MYO18B: variants seen among roughly 807,000 people sequenced by gnomAD.
MYO18B encodes the protein unconventional myosin-XVIIIb.
In MYO18B, 204 loss-of-function variants were observed where a neutral mutation model predicts 273.0. The ratio of observed to expected loss-of-function variants is 0.75; its 90% CI spans 0.67 to 0.84. The LOEUF (loss-of-function observed/expected upper bound fraction) is 0.84. Ranked by LOEUF, MYO18B falls within the 40% of genes least tolerant of loss-of-function variation. MYO18B has a pLI of 0.00. For synonymous variants in MYO18B, 1,330 were observed against 1,305.7 expected, an observed-to-expected ratio of 1.02 and a Z score of -0.40; for missense variants, 3,212 against 3,287.6, an observed-to-expected ratio of 0.98 and a Z score of 0.56.
At chr22:25,990,712 A>AAAG (rs761294962) in intron 39 of MYO18B, among the ~76,000 whole-genome samples, 1,523 of 42,054 alleles carry the variant, frequency 0.036, 32 homozygotes, top group East Asian at 0.082. Flanking sequence ...AAAAAAAAAA[A>AAAG]AAAAAAAAGA....
In MYO18B at chr22:25,927,861, G is replaced by A. The variant is rs973615435; in HGVS notation, c.5517+6452G>A. Among the ~76,000 whole-genome samples the A allele has an allele frequency of 7.2e-5, 11 of 152,206 alleles. No homozygotes were observed. In the East Asian group the frequency reaches 9.6e-4, roughly 13 times the overall value. ...ATAGAAAAGAACCTACGTGAATATC[G>A]GGGCAGATTCCCCGATACTCTTTAT... On this transcript the variant is annotated intron_variant, in intron 34 of 43. Transcript: ENST00000335473.
intron 39 of MYO18B, among the ~76,000 whole-genome samples, chr22:25,974,729 A>G (rs73414083): frequency 0.02 from 2,991 of 152,306 alleles, 98 homozygotes; most frequent in African/African-American, 0.069. Context: ...GGAACATAAA[A>G]CTGAAAGGGT....
At chr22:25,901,014 C>T (rs1172745727) in intron 29 of MYO18B, 3 of 152,216 alleles carry the variant, frequency 2.0e-5, no homozygotes. Flanking sequence ...CGACATGGAT[C>T]CCAGCCCAGG....
chr22:25,785,384 G>A (rs369204822), intron 10 of MYO18B, 44 bp from the exon 11 acceptor site: 14 of 1,567,668 alleles, frequency 8.9e-6, no homozygotes, highest in Non-Finnish European at 1.0e-5. Context: ...GCCAGGGCTG[G>A]TGTGGACAGC....
intron 9 of MYO18B, 73 bp downstream of exon 9, chr22:25,780,271 C>A (rs2087085865): frequency 1.1e-5 from 16 of 1,492,042 alleles, no homozygotes; most frequent in South Asian, 1.2e-5. Flanking sequence ...CTCAGCAGAG[C>A]CCACGCCTCC....
At chr22:25,959,563 C>T (rs903414992) in intron 39 of MYO18B, among the ~76,000 whole-genome samples, 6 of 152,142 alleles carry the variant, frequency 3.9e-5, no homozygotes, top group Admixed American at 6.5e-5. Flanking sequence ...AGCATGTCAC[C>T]GCTCCTGGCC....
chr22:25,789,390 C>T (rs991588849), intron 11 of MYO18B, among the ~76,000 whole-genome samples: 1 of 152,038 alleles, frequency 6.6e-6, no homozygotes, highest in African/African-American at 2.4e-5. Flanking sequence ...AATCCCAGCA[C>T]GTTGGGAGGC....
In MYO18B at chr22:25,785,420, G is replaced by A. The variant is rs1203500052; in HGVS notation, c.2313-8G>A. ...CCCCCTGACTCCTGGTTCCTTCTGT[G>A]CTTCCAGGACGGAGCTGAACCTGCA... On this transcript the variant is annotated splice_polypyrimidine_tract_variant and splice_region_variant and intron_variant, in intron 10 of 43. Coordinates refer to ENST00000335473, the MANE Select transcript of MYO18B (RefSeq NM_032608.7). 1.9e-6 allele frequency: 3 copies of A among 1,604,862 alleles called. No individual in the cohort carries two copies. The highest frequency in any genetic ancestry group is 1.1e-5 in the South Asian group (1 of 88,774).
chr22:25,801,236 T>C (rs1435092810), intron 12 of MYO18B, among the ~76,000 whole-genome samples: 2 of 152,220 alleles, frequency 1.3e-5, no homozygotes, highest in Non-Finnish European at 2.9e-5. Flanking sequence ...TCAATAATAG[T>C]TCCCTTTGGG....
rs2089606169 is a variant in MYO18B, at chr22:25,829,089, A to T, written c.2979+121A>T. ...AGCTTCACCCTGTTTGGTTCACCAG[A>T]GAACAAAGCCCTTTCCCCAGGCCTG... On this transcript the variant is annotated intron_variant, in intron 15 of 43. Coordinates refer to ENST00000335473, the MANE Select transcript of MYO18B (RefSeq NM_032608.7). The T allele has an allele frequency of 4.4e-6, 5 of 1,145,070 alleles. No individual in the cohort carries two copies. The Admixed American group carries it at 1.3e-4, about 29-fold the overall frequency. The allele number at this position is 1,145,070 out of a possible 1,614,324, so 70.9% of individuals were successfully genotyped here.
intron 36 of MYO18B, among the ~76,000 whole-genome samples, chr22:25,948,444 TTCCTTCCTTCC>T (rs1569225082): frequency 1.7e-4 from 22 of 130,932 alleles, no homozygotes; most frequent in African/African-American, 5.6e-4. Flanking sequence ...CCTTCCTTCC[TTCCTTCCTTCC>T]TTCCTTCTTT....
the MYO18B span, among the ~76,000 whole-genome samples, chr22:26,044,918 T>G: frequency 6.6e-6 from 1 of 152,136 alleles, no homozygotes; most frequent in African/African-American, 2.4e-5. Context: ...TTGAGATGGT[T>G]TGTCCAATGG....
intron 21 of MYO18B, among the ~76,000 whole-genome samples, chr22:25,853,431 C>G (rs1167745016): frequency 1.3e-5 from 2 of 152,220 alleles, no homozygotes; most frequent in Non-Finnish European, 1.5e-5. Context: ...GACATCACCC[C>G]CAGATGTCTG....
intron 21 of MYO18B, among the ~76,000 whole-genome samples, chr22:25,856,446 C>T (rs2090577306): frequency 6.6e-6 from 1 of 152,200 alleles, no homozygotes; most frequent in Admixed American, 6.5e-5. Flanking sequence ...TAACCAAGTG[C>T]CTGCTTTTCA....
At chr22:25,980,762 G>A (rs895656460) in intron 39 of MYO18B, among the ~76,000 whole-genome samples, 2 of 152,190 alleles carry the variant, frequency 1.3e-5, no homozygotes, top group African/African-American at 4.8e-5. Flanking sequence ...AAAGAAAAGA[G>A]CACGTGGTGT....
At chr22:25,895,449 GA>G in intron 28 of MYO18B, 169 bp downstream of exon 28, 8 of 738,328 alleles carry the variant, frequency 1.1e-5, no homozygotes, top group Non-Finnish European at 1.7e-5. Flanking sequence ...GTCACTGTGA[GA>G]CATGAAAAAT....
intron 20 of MYO18B, among the ~76,000 whole-genome samples, chr22:25,848,152 A>G (rs1601338977): frequency 6.6e-6 from 1 of 152,138 alleles, no homozygotes; most frequent in East Asian, 1.9e-4. Flanking sequence ...TTGTCTTGCA[A>G]CAGAGGGTGG....
chr22:26,022,597 T>C (rs1935914199), intron 42 of MYO18B, among the ~76,000 whole-genome samples: 1 of 152,144 alleles, frequency 6.6e-6, no homozygotes, highest in Non-Finnish European at 1.5e-5. Flanking sequence ...CTCTCTTCCT[T>C]GTCTCTCCTC....
chr22:25,778,214 A>G (rs1365179726), intron 8 of MYO18B, among the ~76,000 whole-genome samples: 2 of 152,176 alleles, frequency 1.3e-5, no homozygotes, highest in Middle Eastern at 3.2e-3. Flanking sequence ...TACACTCATG[A>G]GAAGCTAATA....
Sources: allele counts gnomAD v4.1 joint callset (sites outside exome capture counted in the v4.1 genomes callset), GRCh38; gene constraint gnomAD v4.1.1; transcripts MANE v1.5; gene names NCBI Gene and HGNC (gene_info 2026-07-23, HGNC 2026-07-21).